Variants in ARID1B observed in about 807,000 individuals in gnomAD.
ARID1B encodes AT-rich interactive domain-containing protein 1B.
In ARID1B, 30 loss-of-function variants were observed where a neutral mutation model predicts 212.3. That is an observed-to-expected ratio of 0.14 (90% confidence interval 0.11 to 0.19). ARID1B has a LOEUF of 0.19. Ranked by LOEUF, ARID1B falls within the 10% of genes least tolerant of loss-of-function variation. The probability of loss-of-function intolerance (pLI) is 1.00; values close to 1 mark genes in which losing one functional copy is unlikely to be tolerated. For synonymous variants in ARID1B, 1,402 were observed against 1,301.7 expected (o/e 1.08, Z -1.66); for missense variants, 2,891 against 3,204.0 (o/e 0.90, Z 2.36).
At chr6:157,057,352 A>G (rs1009636242) in intron 4 of ARID1B, among the ~76,000 whole-genome samples, 1 of 152,220 alleles carries the variant, frequency 6.6e-6, no homozygotes, top group African/African-American at 2.4e-5. Context: ...ATAATACAAC[A>G]TATTTTAAAA....
intron 8 of ARID1B, among the ~76,000 whole-genome samples, chr6:157,157,640 G>A (rs1790661108): frequency 6.6e-6 from 1 of 152,208 alleles, no homozygotes; most frequent in Non-Finnish European, 1.5e-5. Context: ...TAAGGAGTAT[G>A]AGAAGCAACT....
At chr6:156,957,422 G>A (rs1262126157) in intron 4 of ARID1B, among the ~76,000 whole-genome samples, 2 of 152,184 alleles carry the variant, frequency 1.3e-5, no homozygotes, top group African/African-American at 2.4e-5. Flanking sequence ...TCAAGGTCAA[G>A]CAGAGGTGTG....
At chr6:157,049,265 C>T (rs1340024809) in intron 4 of ARID1B, among the ~76,000 whole-genome samples, 2 of 152,038 alleles carry the variant, frequency 1.3e-5, no homozygotes, top group African/African-American at 4.8e-5. Flanking sequence ...TAGACCGTGG[C>T]CAAGGTGGGA....
intron 13 of ARID1B, among the ~76,000 whole-genome samples, chr6:157,186,780 A>C (rs996461786): frequency 6.6e-6 from 1 of 152,212 alleles, no homozygotes; most frequent in Non-Finnish European, 1.5e-5. Context: ...CTGAAGAAAC[A>C]TTTTAGATTT....
At chr6:157,168,288 A>T (rs1791479149) in intron 9 of ARID1B, 1 of 152,230 alleles carries the variant, frequency 6.6e-6, no homozygotes, top group African/African-American at 2.4e-5. Flanking sequence ...TTTATGAAAG[A>T]GGAACACATA....
intron 4 of ARID1B, among the ~76,000 whole-genome samples, chr6:157,067,305 G>A (rs75570689): frequency 0.024 from 3,583 of 152,266 alleles, 145 homozygotes; most frequent in African/African-American, 0.082. Flanking sequence ...AGCTTTGCTC[G>A]TTTTTCTGGG....
intron 3 of ARID1B, among the ~76,000 whole-genome samples, chr6:156,914,067 C>T (rs1790145664): frequency 1.4e-5 from 2 of 145,976 alleles, no homozygotes; most frequent in South Asian, 4.4e-4. Flanking sequence ...CCACCCCAGC[C>T]TGTGGTGCCC....
intron 4 of ARID1B, among the ~76,000 whole-genome samples, chr6:157,081,254 G>A (rs1784614714): frequency 6.6e-6 from 1 of 152,190 alleles, no homozygotes; most frequent in African/African-American, 2.4e-5. Flanking sequence ...TTCTTTACAG[G>A]CATCATAGAT....
At chr6:156,994,079 A>AT (rs1382107009) in intron 4 of ARID1B, among the ~76,000 whole-genome samples, 1 of 151,964 alleles carries the variant, frequency 6.6e-6, no homozygotes, top group Non-Finnish European at 1.5e-5. Flanking sequence ...ACTTTTGGTC[A>AT]TTTTTTTTGT....
chr6:157,205,939 C>T, intron 19 of ARID1B: 1 of 548,898 alleles, frequency 1.8e-6, no homozygotes, highest in Non-Finnish European at 3.3e-6. Context: ...AAGGAAGCAG[C>T]AAATAAGGAA....
At chr6:156,904,368 G>A (rs1789191655) in intron 3 of ARID1B, among the ~76,000 whole-genome samples, 1 of 152,112 alleles carries the variant, frequency 6.6e-6, no homozygotes, top group African/African-American at 2.4e-5. Context: ...GACATACCAT[G>A]ATATATTTAA....
At chr6:156,788,162 A>C (rs939813692) in intron 1 of ARID1B, among the ~76,000 whole-genome samples, 3 of 152,072 alleles carry the variant, frequency 2.0e-5, no homozygotes, top group African/African-American at 7.2e-5. Context: ...TGCTGCTTTG[A>C]ATTTTTAAAC....
At chr6:157,135,341 A>G (rs574589046) in intron 7 of ARID1B, among the ~76,000 whole-genome samples, 4 of 152,358 alleles carry the variant, frequency 2.6e-5, no homozygotes, top group African/African-American at 9.6e-5. Flanking sequence ...CTGTTACGGT[A>G]GCCCACTGGG....
chr6:157,096,384 C>A (rs944641790), intron 5 of ARID1B, among the ~76,000 whole-genome samples: 1 of 152,254 alleles, frequency 6.6e-6, no homozygotes, highest in Non-Finnish European at 1.5e-5. Flanking sequence ...TATAACCTTT[C>A]TCCTGTGGGC....
intron 4 of ARID1B, among the ~76,000 whole-genome samples, chr6:157,000,716 T>TTTTTTTTTG (rs1778863620): frequency 2.0e-5 from 2 of 102,398 alleles, no homozygotes; most frequent in Non-Finnish European, 3.9e-5. Context: ...TTTTTTTTTT[T>TTTTTTTTTG]GAGACAGAGT....
At chr6:156,995,885 A>G (rs1482053815) in intron 4 of ARID1B, among the ~76,000 whole-genome samples, 5 of 152,228 alleles carry the variant, frequency 3.3e-5, no homozygotes, top group Non-Finnish European at 5.9e-5. Flanking sequence ...CATGGAACAT[A>G]TTACATAGGA....
Position 157,109,069 on chromosome 6 carries a change from C to G in ARID1B, c.2492-1403C>G, listed in dbSNP as rs115904776. 5.2e-3 allele frequency among the ~76,000 whole-genome samples: 799 copies of G among 152,344 alleles called. 8 individuals are homozygous for G. The highest frequency in any genetic ancestry group is 0.018 in the African/African-American group (749 of 41,584). On this transcript the variant is annotated intron_variant, in intron 5 of 19. Transcript: ENST00000636930. ...AACTGAAAATCATATTCCTGATCCT[C>G]TGACTGCCACAGATACCCCGTGATT...
intron 3 of ARID1B, among the ~76,000 whole-genome samples, chr6:156,903,175 A>G (rs1304284411): frequency 6.6e-6 from 1 of 152,230 alleles, no homozygotes; most frequent in South Asian, 2.1e-4. Context: ...GCAATTAGTT[A>G]TTTAATATCT....
Position 157,203,965 on chromosome 6 carries a change from A to G in ARID1B, c.5363A>G (p.Asp1788Gly). ...ACTATTAATATTCTTCTGTATGATG[A>G]CAGCACTGTTGCTACTTTCAATCTC... is the stretch of plus-strand genomic sequence containing the variant. The part of the protein sequence containing the change: ...LDTINILLYD[D>G]STVATFNLSQ... Residue 1788 changes from aspartate (D) to glycine (G), a missense_variant, in exon 19 of 20, where the codon GAC becomes GGC. Asp to Gly is a moderately conservative substitution (Grantham distance 94). Transcript: ENST00000636930. The surrounding 1 kb of genome is among the most constrained non-coding windows in gnomAD (Gnocchi z 4.4). 6.2e-7 allele frequency: 1 copy of G among 1,614,144 alleles called. No homozygotes were observed. The highest frequency in any genetic ancestry group is 8.5e-7 in the Non-Finnish European group (1 of 1,180,004).
Sources: gnomAD v4.1 joint callset for allele counts (sites outside exome capture counted in the v4.1 genomes callset) on GRCh38, gnomAD v4.1.1 for gene constraint, Gnocchi (gnomAD v3.1) non-coding constraint, MANE v1.5 for transcripts, NCBI Gene and HGNC (gene_info 2026-07-23, HGNC 2026-07-21) for gene names.